Variants in SESN2 observed in about 807,000 individuals in gnomAD.
SESN2 encodes sestrin 2.
In SESN2, 42 loss-of-function variants were observed where a neutral mutation model predicts 56.0. The ratio of observed to expected loss-of-function variants is 0.75; its 90% CI spans 0.59 to 0.97. SESN2 has a LOEUF of 0.97. Among genes scored for constraint, SESN2 ranks in the 50% least tolerant of loss-of-function variants. The probability of loss-of-function intolerance (pLI) is 0.00; values close to 1 mark genes in which losing one functional copy is unlikely to be tolerated. For synonymous variants in SESN2, 264 were observed against 267.1 expected (o/e 0.99, Z 0.11); for missense variants, 507 against 649.4 (o/e 0.78, Z 2.38).
chr1:28,278,989 C>G, intron 8 of SESN2, 108 bp from the exon 9 acceptor site: 1 of 1,093,608 alleles, frequency 9.1e-7, no homozygotes, highest in Non-Finnish European at 1.4e-6. Context: ...CTTCTACCTT[C>G]TGATTTTTCT....
intron 8 of SESN2, among the ~76,000 whole-genome samples, chr1:28,277,551 T>C (rs935935565): frequency 1.3e-5 from 2 of 152,190 alleles, no homozygotes; most frequent in African/African-American, 2.4e-5. Flanking sequence ...AACCAAAGCA[T>C]ATATAATTTA....
chr1:28,273,776 C>T (rs904579921), intron 6 of SESN2, among the ~76,000 whole-genome samples: 4 of 152,106 alleles, frequency 2.6e-5, no homozygotes, highest in African/African-American at 9.7e-5. Flanking sequence ...AAGATCTTAG[C>T]GCAGAGCCTG....
chr1:28,271,866 A>G lies in SESN2; in HGVS notation c.349A>G (p.Ile117Val). 2 of 1,614,136 alleles carry G rather than the reference A, an allele frequency of 1.2e-6. No individual in the cohort carries two copies. Among genetic ancestry groups the G allele is most frequent in the Non-Finnish European group, 1.7e-6 (2 of 1,180,016 alleles). The change falls in exon 3 of 10, where the codon ATC (isoleucine) becomes GTC (valine). Residue 117 changes from isoleucine (I) to valine (V), a missense_variant. By Grantham distance (29) the Ile-to-Val change is conservative. Coordinates refer to ENST00000253063, the MANE Select transcript of SESN2 (RefSeq NM_031459.5). Reference protein sequence around the residue: ...LASSWRHYIAIMAAARHQCSY... With the variant: ...LASSWRHYIAVMAAARHQCSY... ...CAGCTCCTGGCGCCACTACATTGCCATCATGGTGAGCCTCTCTGGGCCTGA... is the reference window on the plus strand; with the variant it reads ...CAGCTCCTGGCGCCACTACATTGCCGTCATGGTGAGCCTCTCTGGGCCTGA...
At chr1:28,278,436 A>G (rs984934812) in intron 8 of SESN2, among the ~76,000 whole-genome samples, 4 of 152,288 alleles carry the variant, frequency 2.6e-5, no homozygotes, top group Non-Finnish European at 4.4e-5. Flanking sequence ...GCACAGTGGC[A>G]TGTACCTGTA....
In SESN2 at chr1:28,279,156, A is replaced by G; in HGVS notation, c.1271A>G (p.Tyr424Cys). 2 of 1,614,178 alleles carry G rather than the reference A, an allele frequency of 1.2e-6. No homozygotes were observed. Among genetic ancestry groups the G allele is most frequent in the Non-Finnish European group, 1.7e-6 (2 of 1,180,012 alleles). ...CTCCTGGAGCGGAACCTCAAGGTCTATATCAAGACAGTGGCCTGCTACCCA... is the reference window on the plus strand; with the variant it reads ...CTCCTGGAGCGGAACCTCAAGGTCTGTATCAAGACAGTGGCCTGCTACCCA... The part of the protein sequence containing the change: ...NQLLERNLKV[Y>C]IKTVACYPEK... The change falls in exon 9 of 10, where the codon TAT (tyrosine) becomes TGT (cysteine). Residue 424 changes from tyrosine to cysteine, a missense_variant. Transcript: ENST00000253063.
At chr1:28,272,177 C>A in intron 3 of SESN2, 107 bp from the exon 4 acceptor site, 1 of 1,190,900 alleles carries the variant, frequency 8.4e-7, no homozygotes, top group Non-Finnish European at 1.2e-6. Flanking sequence ...GATTTCCTGC[C>A]TCTTGGGGAA....
At chr1:28,273,325 G>A in intron 5 of SESN2, 33 bp from the exon 6 acceptor site, 3 of 1,527,834 alleles carry the variant, frequency 2.0e-6, no homozygotes, top group Non-Finnish European at 2.6e-6. Context: ...GAAGGAGGAG[G>A]AGTAGCTGGT....
At chr1:28,265,471 A>G (rs1275184543) in intron 1 of SESN2, among the ~76,000 whole-genome samples, 14 of 152,054 alleles carry the variant, frequency 9.2e-5, no homozygotes, top group Non-Finnish European at 7.4e-5. Flanking sequence ...TCAGCTCACC[A>G]CAACCTCCAC....
intron 1 of SESN2, among the ~76,000 whole-genome samples, chr1:28,263,698 G>A (rs369262680): frequency 1.3e-5 from 2 of 152,036 alleles, no homozygotes; most frequent in East Asian, 3.9e-4. Context: ...ACTCTCCAAG[G>A]CTGGGGCTGC....
intron 8 of SESN2, among the ~76,000 whole-genome samples, chr1:28,275,787 C>T (rs940481793): frequency 1.3e-5 from 2 of 151,654 alleles, no homozygotes; most frequent in African/African-American, 4.8e-5. Flanking sequence ...GGCGCGGTGG[C>T]TCATGCCTGT....
chr1:28,274,580 G>A (rs1217572501), intron 7 of SESN2, among the ~76,000 whole-genome samples: 1 of 152,080 alleles, frequency 6.6e-6, no homozygotes, highest in Non-Finnish European at 1.5e-5. Context: ...ATTCCACGAG[G>A]GCAGTGGGGT....
chr1:28,262,471 A>C (rs1052715589), intron 1 of SESN2, among the ~76,000 whole-genome samples: 1 of 151,454 alleles, frequency 6.6e-6, no homozygotes, highest in Non-Finnish European at 1.5e-5. Flanking sequence ...TCTCTACAAA[A>C]TATACAAAAG....
intron 6 of SESN2, 53 bp from the exon 7 acceptor site, chr1:28,273,987 A>G (rs1647919426): frequency 8.7e-7 from 1 of 1,150,802 alleles, no homozygotes; most frequent in South Asian, 1.2e-5. Context: ...TCAGGAATGG[A>G]CCCCTGCATG....
In SESN2 at chr1:28,280,836, C is replaced by G; in HGVS notation, c.*34C>G. 1 of 1,525,480 alleles carries G rather than the reference C, an allele frequency of 6.6e-7. No homozygotes were observed. Among genetic ancestry groups the G allele is most frequent in the Non-Finnish European group, 9.1e-7 (1 of 1,101,446 alleles). The allele number at this position is 1,525,480 out of a possible 1,614,324, so 94.5% of individuals were successfully genotyped here. On this transcript the variant is annotated 3_prime_UTR_variant, in exon 10 of 10. Transcript: ENST00000253063. ...CAGGACCTGGGCCCGGTTCAGCTCCCCACAAGGACTTCTCTGTCTGGAGAC... is the reference window on the plus strand; with the variant it reads ...CAGGACCTGGGCCCGGTTCAGCTCCGCACAAGGACTTCTCTGTCTGGAGAC...
chr1:28,279,019 C>T, intron 8 of SESN2, 78 bp from the exon 9 acceptor site: 2 of 1,436,872 alleles, frequency 1.4e-6, no homozygotes, highest in East Asian at 4.6e-5. Context: ...GTTCTTCCCT[C>T]TGTAGGGTGG....
intron 1 of SESN2, among the ~76,000 whole-genome samples, chr1:28,262,132 C>A (rs192349618): frequency 4.6e-5 from 7 of 152,210 alleles, no homozygotes; most frequent in Admixed American, 4.6e-4. Context: ...GACCTTCGGA[C>A]GGTTTCTGCT....
chr1:28,265,017 C>CTT (rs1239071428), intron 1 of SESN2, among the ~76,000 whole-genome samples: 1 of 152,222 alleles, frequency 6.6e-6, no homozygotes, highest in Non-Finnish European at 1.5e-5. Flanking sequence ...CCTGCTACTG[C>CTT]CTTCCTGCCT....
chr1:28,274,164 G>T lies in SESN2; in HGVS notation c.1020+6G>T. On this transcript the variant is annotated splice_donor_region_variant and intron_variant, in intron 7 of 9. Transcript: ENST00000253063. ...CCCCTACCTTCCGGGCCCAGGTAGG[G>T]CTCTCTCTACTAGTCTTGGCCATTG... 6.4e-7 allele frequency: 1 copy of T among 1,566,524 alleles called. No homozygotes were observed. The highest frequency in any genetic ancestry group is 8.8e-7 in the Non-Finnish European group (1 of 1,136,558).
chr1:28,274,101 C>G lies in SESN2; in HGVS notation c.963C>G (p.Phe321Leu). Residue 321 changes from phenylalanine (F) to leucine (L), a missense_variant, in exon 7 of 10, where the codon TTC (phenylalanine) becomes TTG (leucine). Physicochemically the swap from Phe to Leu is conservative, Grantham distance 22. Coordinates refer to ENST00000253063, the MANE Select transcript of SESN2 (RefSeq NM_031459.5). ...DMLCFVEDPTFGYEDFTRRGA... is the reference protein window; with the variant it reads ...DMLCFVEDPTLGYEDFTRRGA... The stretch of plus-strand genomic sequence containing the variant: ...TGTGCTTTGTGGAAGACCCTACTTT[C>G]GGATATGAGGACTTCACTCGGAGAG... 2 of 1,614,138 alleles carry G rather than the reference C, an allele frequency of 1.2e-6. No individual in the cohort carries two copies. Among genetic ancestry groups the G allele is most frequent in the South Asian group, 1.1e-5 (1 of 91,088 alleles).
Sources: allele counts gnomAD v4.1 joint callset (sites outside exome capture counted in the v4.1 genomes callset), GRCh38; gene constraint gnomAD v4.1.1; transcripts MANE v1.5; gene names NCBI Gene and HGNC (gene_info 2026-07-23, HGNC 2026-07-21).